Variants in NXPH1 observed in about 807,000 individuals in gnomAD.
NXPH1 encodes neurexophilin-1.
NXPH1 carries 5 observed loss-of-function variants against 23.7 expected under a neutral mutation model. The observed-to-expected ratio is 0.21, with a 90% CI of 0.11 to 0.44. The LOEUF is 0.44. Among genes scored for constraint, NXPH1 ranks in the 20% least tolerant of loss-of-function variants. The probability of loss-of-function intolerance (pLI) is 0.99; values close to 1 mark genes in which losing one functional copy is unlikely to be tolerated. For synonymous variants in NXPH1, 144 were observed against 122.2 expected (o/e 1.18, Z -1.18); for missense variants, 324 against 321.6 (o/e 1.01, Z -0.06).
chr7:8,604,791 A>G (rs994689687), intron 2 of NXPH1, among the ~76,000 whole-genome samples: 2 of 152,160 alleles, frequency 1.3e-5, no homozygotes, highest in Non-Finnish European at 2.9e-5. Flanking sequence ...ATTTGTGAAT[A>G]CACATTTCTT....
At position 8,751,228 on chromosome 7, in the gene NXPH1, G is replaced by T; in HGVS notation, c.275G>T (p.Arg92Met). 1 of 1,613,872 alleles carries T rather than the reference G, an allele frequency of 6.2e-7. No homozygotes were observed. Among genetic ancestry groups the T allele is most frequent in the South Asian group, 1.1e-5 (1 of 91,090 alleles). The change falls in exon 3 of 3, where the codon AGG (arginine) becomes ATG (methionine). Residue 92 changes from arginine (R) to methionine (M), a missense_variant. Arg to Met is a moderately conservative substitution (Grantham distance 91, BLOSUM62 -1). Coordinates refer to ENST00000405863, the MANE Select transcript of NXPH1 (RefSeq NM_152745.3). The surrounding 1 kb of genome is among the most constrained non-coding windows in gnomAD (Gnocchi z 4.5). ...GAGCAAGACCTCTGGGACTGGCTGA[G>T]GAACTCCACAGACCTTCAAGAGCCT... Reference protein sequence around the residue: ...YSEQDLWDWLRNSTDLQEPRP... With the variant: ...YSEQDLWDWLMNSTDLQEPRP...
At chr7:8,619,919 G>A (rs1362929388) in intron 2 of NXPH1, among the ~76,000 whole-genome samples, 1 of 152,116 alleles carries the variant, frequency 6.6e-6, no homozygotes, top group Admixed American at 6.5e-5. Flanking sequence ...ACAAGTATGT[G>A]GTAAATCTGG....
intron 2 of NXPH1, among the ~76,000 whole-genome samples, chr7:8,565,044 T>C (rs751814118): frequency 7.2e-4 from 109 of 151,854 alleles, no homozygotes; most frequent in Non-Finnish European, 9.6e-4. Flanking sequence ...AATAGGGAGC[T>C]TTTGTTGAGA....
intron 2 of NXPH1, among the ~76,000 whole-genome samples, chr7:8,537,888 C>G (rs1313932626): frequency 1.3e-5 from 2 of 151,784 alleles, no homozygotes; most frequent in Non-Finnish European, 2.9e-5. Flanking sequence ...CAAAGGCATG[C>G]ATTTTTAGAA....
intron 2 of NXPH1, among the ~76,000 whole-genome samples, chr7:8,535,254 T>G (rs1314274123): frequency 6.6e-6 from 1 of 152,046 alleles, no homozygotes; most frequent in Non-Finnish European, 1.5e-5. Context: ...ACGTTTAGGT[T>G]TGTACCAACA....
At chr7:8,569,572 G>A (rs555207268) in intron 2 of NXPH1, among the ~76,000 whole-genome samples, 41 of 151,848 alleles carry the variant, frequency 2.7e-4, no homozygotes, top group African/African-American at 9.7e-4. Context: ...GAGGGCAGGA[G>A]CAGTCATGAA....
At chr7:8,446,493 T>G (rs1816406030) in intron 2 of NXPH1, among the ~76,000 whole-genome samples, 1 of 152,224 alleles carries the variant, frequency 6.6e-6, no homozygotes, top group South Asian at 2.1e-4. Flanking sequence ...ATGAGTTATG[T>G]ATTGTTGATA....
chr7:8,613,203 A>AAT (rs950427491), intron 2 of NXPH1, among the ~76,000 whole-genome samples: 135 of 151,842 alleles, frequency 8.9e-4, no homozygotes, highest in African/African-American at 3.2e-3. Context: ...AGCCAATTTC[A>AAT]ATAATTATAG....
At chr7:8,502,660 C>T (rs1485181048) in intron 2 of NXPH1, among the ~76,000 whole-genome samples, 1 of 151,678 alleles carries the variant, frequency 6.6e-6, no homozygotes, top group Admixed American at 6.6e-5. Context: ...TCACTATGCC[C>T]AGGCTGAGAT....
intron 2 of NXPH1, among the ~76,000 whole-genome samples, chr7:8,525,190 T>C (rs1321518957): frequency 1.3e-5 from 2 of 152,184 alleles, no homozygotes; most frequent in Non-Finnish European, 2.9e-5. Flanking sequence ...GGAGCAAAGG[T>C]GACTCTTGTT....
chr7:8,512,653 G>A (rs879549685), intron 2 of NXPH1, among the ~76,000 whole-genome samples: 4 of 152,082 alleles, frequency 2.6e-5, no homozygotes, highest in Admixed American at 2.0e-4. Context: ...AGTTAACCAA[G>A]TAGCACAAAG....
chr7:8,648,302 C>A lies in NXPH1; in HGVS notation c.55-102706C>A, dbSNP rs1035156735. Among the ~76,000 whole-genome samples, 2 of 152,132 alleles carry A rather than the reference C, an allele frequency of 1.3e-5. 1 individual carries two copies. The highest frequency in any genetic ancestry group is 1.3e-4 in the Admixed American group (2 of 15,268). Reference sequence around the variant, plus strand: ...TAGCCATTAACCACTCCCACCTACACCCAATCCCCCCACTACCTTTCCCAG... The same window carrying A: ...TAGCCATTAACCACTCCCACCTACAACCAATCCCCCCACTACCTTTCCCAG... On this transcript the variant is annotated intron_variant, in intron 2 of 2. Coordinates refer to ENST00000405863, the MANE Select transcript of NXPH1 (RefSeq NM_152745.3).
At chr7:8,699,446 A>C (rs183504765) in intron 2 of NXPH1, among the ~76,000 whole-genome samples, 2 of 152,274 alleles carry the variant, frequency 1.3e-5, no homozygotes, top group Admixed American at 1.3e-4. Context: ...TCAAGTACCA[A>C]CAATATTATT....
intron 2 of NXPH1, among the ~76,000 whole-genome samples, chr7:8,501,448 C>A (rs1402693333): frequency 6.6e-6 from 1 of 152,000 alleles, no homozygotes; most frequent in Non-Finnish European, 1.5e-5. Flanking sequence ...TTCCTGGGTC[C>A]ATTCATGACT....
chr7:8,675,461 C>A (rs990638020), intron 2 of NXPH1, among the ~76,000 whole-genome samples: 1 of 152,064 alleles, frequency 6.6e-6, no homozygotes, highest in Non-Finnish European at 1.5e-5. Flanking sequence ...TCCTCACATT[C>A]TTGCTTTTTT....
chr7:8,737,951 T>C (rs1353116103), intron 2 of NXPH1, among the ~76,000 whole-genome samples: 7 of 152,262 alleles, frequency 4.6e-5, no homozygotes, highest in Admixed American at 6.5e-5. Flanking sequence ...GTATGTTTCA[T>C]GAAGTTCTCG....
chr7:8,478,665 G>T (rs12670711), intron 2 of NXPH1, among the ~76,000 whole-genome samples: 8,334 of 152,070 alleles, frequency 0.055, 440 homozygotes, highest in African/African-American at 0.14. Flanking sequence ...AGCTGAGAAA[G>T]TCCATCCAGA....
rs537516458 is a variant in NXPH1 at position 8,744,823 on chromosome 7, G to A, written c.55-6185G>A. 1.5e-4 allele frequency among the ~76,000 whole-genome samples: 23 copies of A among 152,200 alleles called. No homozygotes were observed. The South Asian group carries it at 1.9e-3, about 12-fold the overall frequency. On this transcript the variant is annotated intron_variant, in intron 2 of 2. Transcript: ENST00000405863. ...AATCATCAAGCTTAGTTAATCCTAC[G>A]TCTGAATTATCCCTTAGATCCATCA... is the stretch of plus-strand genomic sequence containing the variant.
intron 2 of NXPH1, among the ~76,000 whole-genome samples, chr7:8,700,502 C>T (rs910799571): frequency 6.6e-6 from 1 of 152,120 alleles, no homozygotes; most frequent in Non-Finnish European, 1.5e-5. Flanking sequence ...GCCTTGGCTT[C>T]TAACGGCCTA....
Sources: gnomAD v4.1 joint callset for allele counts (sites outside exome capture counted in the v4.1 genomes callset) on GRCh38, gnomAD v4.1.1 for gene constraint, Gnocchi (gnomAD v3.1) non-coding constraint, MANE v1.5 for transcripts, NCBI Gene and HGNC (gene_info 2026-07-23, HGNC 2026-07-21) for gene names.